The following ROBO2 variants were observed in gnomAD, a reference collection of about 807,000 sequenced individuals.
The protein encoded by ROBO2 is roundabout homolog 2.
In ROBO2, 53 loss-of-function variants were observed where a neutral mutation model predicts 160.8. The observed-to-expected ratio is 0.33, with a 90% CI of 0.26 to 0.41. The LOEUF (loss-of-function observed/expected upper bound fraction) is 0.41, where lower values mean the gene tolerates loss of function less well. Ranked by LOEUF, ROBO2 falls within the 10% of genes least tolerant of loss-of-function variation. The pLI is 1.00. For synonymous variants in ROBO2, 664 were observed against 611.7 expected (o/e 1.09, Z -1.26); for missense variants, 1,577 against 1,722.4 (o/e 0.92, Z 1.49).
At chr3:76,752,360 G>A (rs567923350) in intron 2 of ROBO2, among the ~76,000 whole-genome samples, 36 of 151,120 alleles carry the variant, frequency 2.4e-4, no homozygotes, top group African/African-American at 8.8e-4. Context: ...AGTGGGTGCA[G>A]CACACCAACA....
intron 2 of ROBO2, among the ~76,000 whole-genome samples, chr3:76,836,207 G>C (rs1214994634): frequency 6.6e-6 from 1 of 151,680 alleles, no homozygotes; most frequent in African/African-American, 2.4e-5. Context: ...TTTTTACCTG[G>C]TCTACTACTT....
intron 2 of ROBO2, among the ~76,000 whole-genome samples, chr3:76,504,423 G>T (rs191273330): frequency 8.6e-5 from 13 of 151,970 alleles, no homozygotes; most frequent in Admixed American, 7.9e-4. Flanking sequence ...TTCTTGAGAG[G>T]GACAGTTCTA....
At chr3:77,342,931 C>T (rs1329797596) in intron 2 of ROBO2, among the ~76,000 whole-genome samples, 2 of 152,170 alleles carry the variant, frequency 1.3e-5, no homozygotes, top group African/African-American at 2.4e-5. Flanking sequence ...ATTTCCTCAC[C>T]GTCCTGGAGG....
intron 2 of ROBO2, among the ~76,000 whole-genome samples, chr3:77,374,685 T>C (rs1271774121): frequency 6.6e-6 from 1 of 152,196 alleles, no homozygotes; most frequent in Admixed American, 6.5e-5. Context: ...GAGTTTACCA[T>C]GTTGGTTTAA....
At chr3:77,082,849 G>T (rs1011020314) in intron 1 of ROBO2, among the ~76,000 whole-genome samples, 153 of 151,484 alleles carry the variant, frequency 1.0e-3, no homozygotes, top group African/African-American at 3.3e-3. Context: ...AATGTCCAGA[G>T]ATTAAATTGA....
chr3:76,839,276 A>C (rs1347228424), intron 2 of ROBO2, among the ~76,000 whole-genome samples: 1 of 152,204 alleles, frequency 6.6e-6, no homozygotes, highest in Non-Finnish European at 1.5e-5. Context: ...CACTGTTGAC[A>C]TTCAGTGAAA....
intron 2 of ROBO2, among the ~76,000 whole-genome samples, chr3:76,158,441 A>ATACC (rs2072494010): frequency 7.5e-6 from 1 of 132,776 alleles, no homozygotes; most frequent in African/African-American, 2.6e-5. Flanking sequence ...TAATGATACT[A>ATACC]TACCCCTAAA....
At chr3:76,556,581 T>C (rs139449621) in intron 2 of ROBO2, among the ~76,000 whole-genome samples, 2 of 152,260 alleles carry the variant, frequency 1.3e-5, no homozygotes, top group East Asian at 3.9e-4. Context: ...AGTTTAATTA[T>C]GTAAGTAAAC....
chr3:76,458,956 C>T (rs1177017826), intron 2 of ROBO2, among the ~76,000 whole-genome samples: 5 of 152,166 alleles, frequency 3.3e-5, no homozygotes, highest in Admixed American at 2.6e-4. Flanking sequence ...GGGGGAGACA[C>T]AGCCAAACCA....
Position 76,042,008 on chromosome 3 carries a change from AAG to A in ROBO2, c.109+104421_109+104422del, listed in dbSNP as rs796662835. 4.6e-4 allele frequency among the ~76,000 whole-genome samples: 60 copies of A among 129,634 alleles called. 1 individual carries two copies. The highest frequency in any genetic ancestry group is 4.9e-4 in the Admixed American group (6 of 12,246). 85.0% of individuals were successfully genotyped at this position (129,634 alleles called of 152,430 possible). ...TGAGAGAGAGAGGGAGAGCGAGAGC[AAG>A]AGAGAGAGAGAGAGGTTAAAAAAAA... On this transcript the variant is annotated intron_variant, in intron 2 of 26. Coordinates refer to the ROBO2 transcript ENST00000487694.
chr3:77,394,929 T>C (rs914266651), intron 2 of ROBO2, among the ~76,000 whole-genome samples: 25 of 152,190 alleles, frequency 1.6e-4, no homozygotes, highest in African/African-American at 5.5e-4. Context: ...TTATTCAATA[T>C]AGAATTATTT....
chr3:76,618,409 C>G (rs1389779662), intron 2 of ROBO2, among the ~76,000 whole-genome samples: 1 of 150,106 alleles, frequency 6.7e-6, no homozygotes, highest in African/African-American at 2.5e-5. Flanking sequence ...GAAATTAAAA[C>G]TAAAAAATTC....
intron 1 of ROBO2, among the ~76,000 whole-genome samples, chr3:77,052,552 A>C (rs1199390128): frequency 6.6e-6 from 1 of 152,266 alleles, no homozygotes; most frequent in Non-Finnish European, 1.5e-5. Flanking sequence ...TAGATCTTAC[A>C]TATTGTCAAA....
At chr3:76,519,896 G>C (rs1484120342) in intron 2 of ROBO2, among the ~76,000 whole-genome samples, 2 of 152,136 alleles carry the variant, frequency 1.3e-5, no homozygotes, top group Admixed American at 1.3e-4. Context: ...CAACTTGAAT[G>C]GAGGGGGAAA....
At chr3:76,915,772 C>G (rs923654310) in intron 2 of ROBO2, among the ~76,000 whole-genome samples, 18 of 151,920 alleles carry the variant, frequency 1.2e-4, no homozygotes, top group African/African-American at 4.1e-4. Context: ...AGGATCCTGT[C>G]TAAGTAAGTT....
intron 2 of ROBO2, among the ~76,000 whole-genome samples, chr3:77,395,069 T>C (rs1027471022): frequency 6.6e-6 from 1 of 152,120 alleles, no homozygotes; most frequent in Admixed American, 6.6e-5. Context: ...TGAATTTTAT[T>C]TGTATAGATG....
chr3:77,271,331 G>T (rs13064976), intron 2 of ROBO2, among the ~76,000 whole-genome samples: 33,692 of 152,072 alleles, frequency 0.22, 4,031 homozygotes, highest in Middle Eastern at 0.32. Flanking sequence ...AGAAACAGAC[G>T]GAAAGGGACT....
At chr3:76,019,506 A>G (rs2066507056) in intron 2 of ROBO2, among the ~76,000 whole-genome samples, 1 of 151,372 alleles carries the variant, frequency 6.6e-6, no homozygotes, top group Admixed American at 6.6e-5. Flanking sequence ...ATTGGCTAAT[A>G]TTTGCATTAT....
chr3:76,410,106 G>A (rs2075411454), intron 2 of ROBO2, among the ~76,000 whole-genome samples: 1 of 151,870 alleles, frequency 6.6e-6, no homozygotes. Flanking sequence ...TTTTTCTTGG[G>A]CTGCTTTGTT....
Sources: allele counts gnomAD v4.1 joint callset (sites outside exome capture counted in the v4.1 genomes callset), GRCh38; gene constraint gnomAD v4.1.1; transcripts MANE v1.5; gene names NCBI Gene and HGNC (gene_info 2026-07-23, HGNC 2026-07-21).